The following DPP6 variants were observed in gnomAD, a reference collection of about 807,000 sequenced individuals.
DPP6 encodes the protein dipeptidyl peptidase like 6, also known as A-type potassium channel modulatory protein DPP6.
DPP6 carries 69 observed loss-of-function variants against 122.6 expected under a neutral mutation model. That is an observed-to-expected ratio of 0.56 (90% CI 0.46 to 0.69). DPP6 has a LOEUF of 0.69. DPP6 is among the 30% of genes least tolerant of loss of function. DPP6 has a pLI of 0.00. For synonymous variants in DPP6, 418 were observed against 433.1 expected, an observed-to-expected ratio of 0.97 and a Z score of 0.43; for missense variants, 928 against 1,116.9, an observed-to-expected ratio of 0.83 and a Z score of 2.41.
At chr7:153,866,253 G>C in the DPP6 span, among the ~76,000 whole-genome samples, 1 of 152,118 alleles carries the variant, frequency 6.6e-6, no homozygotes, top group East Asian at 1.9e-4. Flanking sequence ...GGTTGAACTA[G>C]TTTACAGTCC....
At chr7:154,774,629 G>T (rs1796453080) in intron 10 of DPP6, among the ~76,000 whole-genome samples, 1 of 152,218 alleles carries the variant, frequency 6.6e-6, no homozygotes, top group African/African-American at 2.4e-5. Context: ...ATGTAAATTT[G>T]TAGCATGTAA....
At chr7:154,170,925 G>A (rs28463285) in intron 1 of DPP6, among the ~76,000 whole-genome samples, 82,195 of 151,960 alleles carry the variant, frequency 0.54, 22,374 homozygotes, top group East Asian at 0.61. Flanking sequence ...GCACTCCCTC[G>A]GTGGGTGAGT....
At chr7:154,068,565 G>A (rs1368226866) in intron 1 of DPP6, among the ~76,000 whole-genome samples, 7 of 103,784 alleles carry the variant, frequency 6.7e-5, no homozygotes, top group African/African-American at 2.3e-4. Context: ...TTTGGCAGGA[G>A]CACAGGTGTG....
intron 1 of DPP6, among the ~76,000 whole-genome samples, chr7:153,941,142 A>T (rs1331265491): frequency 1.3e-5 from 2 of 152,222 alleles, no homozygotes; most frequent in East Asian, 1.9e-4. Flanking sequence ...TCTTATGAAG[A>T]TTAAATGAGT....
chr7:154,254,592 G>T (rs1282069869), intron 1 of DPP6, among the ~76,000 whole-genome samples: 1 of 152,094 alleles, frequency 6.6e-6, no homozygotes, highest in East Asian at 1.9e-4. Flanking sequence ...TGTATGTAGT[G>T]GGGTGGGCAG....
chr7:154,694,943 CATCTT>C (rs1218074784), intron 7 of DPP6, among the ~76,000 whole-genome samples: 5 of 152,206 alleles, frequency 3.3e-5, no homozygotes, highest in Non-Finnish European at 5.9e-5. Flanking sequence ...TTCTGAATCT[CATCTT>C]ATGAGTCCAT....
At chr7:154,080,778 C>T (rs114655145) in intron 1 of DPP6, among the ~76,000 whole-genome samples, 2 of 152,168 alleles carry the variant, frequency 1.3e-5, no homozygotes, top group African/African-American at 2.4e-5. Flanking sequence ...AATATCCATG[C>T]CCGTCTTGAT....
intron 1 of DPP6, among the ~76,000 whole-genome samples, chr7:154,215,539 G>A (rs950680828): frequency 7.2e-5 from 11 of 152,224 alleles, no homozygotes; most frequent in Non-Finnish European, 1.3e-4. Flanking sequence ...AGTTAAGATC[G>A]TCACACTCAA....
At position 154,618,132 on chromosome 7, in the gene DPP6, A is replaced by C. The variant is rs1033169372; in HGVS notation, c.628-19689A>C. Among the ~76,000 whole-genome samples, 2 of 152,154 alleles carry C rather than the reference A, an allele frequency of 1.3e-5. No homozygotes were observed. Among genetic ancestry groups the C allele is most frequent in the African/African-American group, 4.8e-5 (2 of 41,458 alleles). ...GCTCTTTCCCCCATAAGGCTATTAA[A>C]GTTGCTGCTGGAAGGTTCCAGAGCT... On this transcript the variant is annotated intron_variant, in intron 5 of 25. Transcript: ENST00000377770. This position sits in a 1 kb window ranked among gnomAD's most constrained non-coding sequence, Gnocchi z 4.1.
At chr7:154,633,744 T>A (rs1346814978) in intron 5 of DPP6, among the ~76,000 whole-genome samples, 1 of 152,240 alleles carries the variant, frequency 6.6e-6, no homozygotes, top group Non-Finnish European at 1.5e-5. Flanking sequence ...TTTGGCTTGA[T>A]GTTGAGGAAG....
chr7:154,772,069 A>G (rs1796279752), intron 9 of DPP6, among the ~76,000 whole-genome samples: 1 of 152,152 alleles, frequency 6.6e-6, no homozygotes. Context: ...TTGATTTTAC[A>G]GTGAACTCTC....
intron 1 of DPP6, among the ~76,000 whole-genome samples, chr7:154,399,942 G>A (rs1419948885): frequency 1.3e-5 from 2 of 152,144 alleles, no homozygotes; most frequent in Non-Finnish European, 2.9e-5. Flanking sequence ...CAAGGGAAGA[G>A]AGTTTGCCAA....
intron 5 of DPP6, among the ~76,000 whole-genome samples, chr7:154,637,593 G>C (rs1204793694): frequency 6.6e-6 from 1 of 152,332 alleles, no homozygotes; most frequent in Non-Finnish European, 1.5e-5. Context: ...TAGCCATGGA[G>C]ATGACATCAA....
rs1831513326 is a variant in DPP6 at position 154,575,324 on chromosome 7, ATG to A, written c.627+8417_627+8418del. On this transcript the variant is annotated intron_variant, in intron 5 of 25. Coordinates refer to ENST00000377770, the MANE Select transcript of DPP6 (RefSeq NM_130797.4). ...GGGGGTGTATGTGTGTGGTGTGTGT[ATG>A]TGTGTGTGGTGTGTGTATGTGTGTG... Among the ~76,000 whole-genome samples, 182 of 44,406 alleles carry A rather than the reference ATG, an allele frequency of 4.1e-3. 2 individuals are homozygous for A. Among genetic ancestry groups the A allele is most frequent in the African/African-American group, 0.013 (143 of 10,710 alleles). The allele number at this position is 44,406 out of a possible 152,430, so 29.1% of individuals were successfully genotyped here. A position where few individuals can be genotyped will look rare whatever the true frequency, so the allele number is the denominator to read the frequency against.
At chr7:153,772,993 TATATA>T in the DPP6 span, among the ~76,000 whole-genome samples, 12 of 123,228 alleles carry the variant, frequency 9.7e-5, no homozygotes, top group South Asian at 2.9e-4. Flanking sequence ...TATATAATAA[TATATA>T]AAAGAAAAGA....
rs1175529930 is a variant in DPP6 at position 154,574,893 on chromosome 7, GTA to G, written c.627+7981_627+7982del. Among the ~76,000 whole-genome samples, 42 of 144,592 alleles carry G rather than the reference GTA, an allele frequency of 2.9e-4. 1 individual carries two copies. The highest frequency in any genetic ancestry group is 6.9e-4 in the Admixed American group (10 of 14,526). 94.9% of individuals were successfully genotyped at this position (144,592 alleles called of 152,430 possible). On this transcript the variant is annotated intron_variant, in intron 5 of 25. Coordinates refer to ENST00000377770, the MANE Select transcript of DPP6 (RefSeq NM_130797.4). ...TGTGTGTTGTGTGTGTGTGGTGTGT[GTA>G]TATGTGTGGTGTGCGTGTGTGTATG...
chr7:154,360,355 T>A (rs555766108), intron 1 of DPP6, among the ~76,000 whole-genome samples: 2 of 152,302 alleles, frequency 1.3e-5, no homozygotes, highest in East Asian at 3.9e-4. Flanking sequence ...TTGAGTGACT[T>A]CCTTCAATTT....
At chr7:153,875,666 T>C in the DPP6 span, among the ~76,000 whole-genome samples, 1 of 151,938 alleles carries the variant, frequency 6.6e-6, no homozygotes, top group African/African-American at 2.4e-5. Context: ...ATATTTTGAA[T>C]TTATGGGGTA....
chr7:154,478,502 A>G (rs529609953), intron 3 of DPP6, among the ~76,000 whole-genome samples: 49 of 152,156 alleles, frequency 3.2e-4, no homozygotes, highest in African/African-American at 9.6e-4. Context: ...CATCTTCATT[A>G]TCTTCTGGGT....
Sources: gnomAD v4.1 joint callset for allele counts (sites outside exome capture counted in the v4.1 genomes callset) on GRCh38, gnomAD v4.1.1 for gene constraint, Gnocchi (gnomAD v3.1) non-coding constraint, MANE v1.5 for transcripts, NCBI Gene and HGNC (gene_info 2026-07-23, HGNC 2026-07-21) for gene names.